The following LINGO2 variants were observed in gnomAD, a reference collection of about 807,000 sequenced individuals.
LINGO2 encodes leucine rich repeat and Ig domain containing 2.
In LINGO2, 14 loss-of-function variants were observed where a neutral mutation model predicts 30.6. That is an observed-to-expected ratio of 0.46 (90% confidence interval 0.30 to 0.72). The LOEUF is 0.72. Among genes scored for constraint, LINGO2 ranks in the 30% least tolerant of loss-of-function variants. LINGO2 has a pLI of 0.07. For missense variants in LINGO2, 729 were observed against 751.7 expected, an observed-to-expected ratio of 0.97 and a Z score of 0.35; for synonymous variants, 317 against 288.5, an observed-to-expected ratio of 1.10 and a Z score of -1.00.
the LINGO2 span, among the ~76,000 whole-genome samples, chr9:28,982,836 C>G: frequency 6.6e-6 from 1 of 151,862 alleles, no homozygotes; most frequent in Non-Finnish European, 1.5e-5. Context: ...GCAGATACCA[C>G]CAATAATATA....
At chr9:28,704,255 C>T in the LINGO2 span, among the ~76,000 whole-genome samples, 1 of 151,998 alleles carries the variant, frequency 6.6e-6, no homozygotes, top group Non-Finnish European at 1.5e-5. Context: ...CCATTCTCTT[C>T]TTGCTTGCAA....
chr9:29,118,550 C>G, the LINGO2 span, among the ~76,000 whole-genome samples: 200 of 152,166 alleles, frequency 1.3e-3, no homozygotes, highest in African/African-American at 4.6e-3. Flanking sequence ...ATTGTAGAAC[C>G]CTGGTGAAGC....
At chr9:29,154,980 C>T in the LINGO2 span, among the ~76,000 whole-genome samples, 1 of 152,194 alleles carries the variant, frequency 6.6e-6, no homozygotes, top group East Asian at 1.9e-4. Flanking sequence ...GACATAAATT[C>T]CTTCAAACCT....
At chr9:28,421,667 A>C (rs1823205132) in intron 2 of LINGO2, among the ~76,000 whole-genome samples, 1 of 152,090 alleles carries the variant, frequency 6.6e-6, no homozygotes, top group Admixed American at 6.6e-5. Context: ...TTCTAGATAC[A>C]AGGATTTTAC....
rs527810649 is a variant in LINGO2 at position 28,397,820 on chromosome 9, T to C, written c.-278-24952A>G. ...CCTCAGCCTCCCAACGTGCTGGGAT[T>C]ACAGGCGTGAGCCACCATACCCGGC... is the stretch of plus-strand genomic sequence containing the variant. On this transcript the variant is annotated intron_variant, in intron 2 of 5. Coordinates refer to ENST00000379992, the Ensembl canonical transcript of LINGO2. Among the ~76,000 whole-genome samples, 7 of 152,266 alleles carry C rather than the reference T, an allele frequency of 4.6e-5. No homozygotes were observed. The South Asian group carries it at 1.5e-3, about 32-fold the overall frequency.
At chr9:28,906,682 C>G in the LINGO2 span, among the ~76,000 whole-genome samples, 1 of 151,800 alleles carries the variant, frequency 6.6e-6, no homozygotes, top group Non-Finnish European at 1.5e-5. Context: ...AAATGAAATC[C>G]TGCTCCATTC....
the LINGO2 span, among the ~76,000 whole-genome samples, chr9:28,797,359 T>TATATATATATAGAGAGAGAGAGAGAGAG: frequency 2.9e-5 from 1 of 34,206 alleles, no homozygotes; most frequent in Non-Finnish European, 5.4e-5. Context: ...TATATATATA[T>TATATATATATAGAGAGAGAGAGAGAGAG]AGAGAGAGAG....
At chr9:28,740,574 CA>C in the LINGO2 span, among the ~76,000 whole-genome samples, 40,357 of 151,376 alleles carry the variant, frequency 0.27, 5,790 homozygotes, top group Admixed American at 0.42. Context: ...CTGTTTGTCT[CA>C]AAATCTTTTT....
intron 4 of LINGO2, among the ~76,000 whole-genome samples, chr9:28,141,730 C>T (rs948385725): frequency 6.6e-6 from 1 of 152,058 alleles, no homozygotes; most frequent in African/African-American, 2.4e-5. Context: ...GCTTGGGCAA[C>T]ATCATGAAAC....
chr9:28,597,365 G>C (rs1013088050), intron 1 of LINGO2, among the ~76,000 whole-genome samples: 1 of 152,158 alleles, frequency 6.6e-6, no homozygotes, highest in African/African-American at 2.4e-5. Context: ...AGTGAAGAAA[G>C]AGCTATTAAT....
chr9:28,171,038 A>G (rs556616553), intron 4 of LINGO2, among the ~76,000 whole-genome samples: 3 of 152,310 alleles, frequency 2.0e-5, no homozygotes, highest in Admixed American at 2.0e-4. Flanking sequence ...CACTTTCTAG[A>G]TGTGTGAGTA....
the LINGO2 span, among the ~76,000 whole-genome samples, chr9:29,120,410 T>C: frequency 1.3e-5 from 2 of 152,330 alleles, no homozygotes; most frequent in South Asian, 2.1e-4. Flanking sequence ...GGTAATGTTA[T>C]GCTACTGATA....
Position 28,561,779 on chromosome 9 carries a change from A to ATG in LINGO2, c.-364-85755_-364-85754insCA, listed in dbSNP as rs1823095980. Among the ~76,000 whole-genome samples the ATG allele has an allele frequency of 2.7e-5, 3 of 111,174 alleles. No individual in the cohort carries two copies. In the South Asian group the frequency reaches 7.9e-4, roughly 29 times the overall value. The allele number at this position is 111,174 out of a possible 152,430, so 72.9% of individuals were successfully genotyped here. On this transcript the variant is annotated intron_variant, in intron 1 of 5. Transcript: ENST00000379992. Reference sequence around the variant, plus strand: ...TATATATATATATATATATATATATATAAAAAATATGCTACTAGAACTGAA... The same window carrying ATG: ...TATATATATATATATATATATATATATGTAAAAAATATGCTACTAGAACTGAA...
At chr9:28,347,525 C>T (rs897965053) in intron 3 of LINGO2, among the ~76,000 whole-genome samples, 1 of 152,134 alleles carries the variant, frequency 6.6e-6, no homozygotes, top group African/African-American at 2.4e-5. Context: ...CCCATCCATT[C>T]ATCCAATATT....
chr9:28,997,936 T>A, the LINGO2 span, among the ~76,000 whole-genome samples: 2 of 152,238 alleles, frequency 1.3e-5, no homozygotes, highest in Non-Finnish European at 2.9e-5. Context: ...AAATGTTAAC[T>A]CATTCAGTCT....
At chr9:29,051,734 A>T in the LINGO2 span, among the ~76,000 whole-genome samples, 1 of 152,124 alleles carries the variant, frequency 6.6e-6, no homozygotes, top group Non-Finnish European at 1.5e-5. Context: ...TCTCAAACAT[A>T]AGAGAGTTTA....
chr9:28,432,325 T>C (rs1823711527), intron 2 of LINGO2, among the ~76,000 whole-genome samples: 2 of 151,994 alleles, frequency 1.3e-5, no homozygotes, highest in South Asian at 2.1e-4. Flanking sequence ...AAAGACACTA[T>C]GTGAGCTGAA....
At chr9:29,185,285 A>G in the LINGO2 span, among the ~76,000 whole-genome samples, 4 of 152,140 alleles carry the variant, frequency 2.6e-5, no homozygotes, top group Non-Finnish European at 4.4e-5. Context: ...ATAGTACTCT[A>G]TGGAACAAAG....
intron 3 of LINGO2, among the ~76,000 whole-genome samples, chr9:28,362,712 C>T (rs554564947): frequency 7.5e-4 from 114 of 152,172 alleles, no homozygotes; most frequent in Non-Finnish European, 1.3e-3. Context: ...TCAGGTAATC[C>T]GCCTGCCTCA....
Sources: allele counts gnomAD v4.1 joint callset (sites outside exome capture counted in the v4.1 genomes callset), GRCh38; gene constraint gnomAD v4.1.1; transcripts MANE v1.5; gene names NCBI Gene and HGNC (gene_info 2026-07-23, HGNC 2026-07-21).